The following KCTD16 variants were observed in gnomAD, a reference collection of about 807,000 sequenced individuals.
KCTD16 encodes BTB/POZ domain-containing protein KCTD16.
Under a neutral mutation model 33.2 loss-of-function variants are expected in KCTD16, and 13 were observed. The ratio of observed to expected loss-of-function variants is 0.39; its 90% CI spans 0.25 to 0.62. KCTD16 has a LOEUF of 0.62. Ranked by LOEUF, KCTD16 falls within the 20% of genes least tolerant of loss-of-function variation. The pLI is 0.50. For missense variants in KCTD16, 441 were observed against 525.1 expected, an observed-to-expected ratio of 0.84 and a Z score of 1.57; for synonymous variants, 197 against 195.3, an observed-to-expected ratio of 1.01 and a Z score of -0.07.
At position 144,309,509 on chromosome 5, in the gene KCTD16, C is replaced by T. The variant is rs568286474; in HGVS notation, c.832+101963C>T. Among the ~76,000 whole-genome samples the T allele has an allele frequency of 1.8e-4, 28 of 152,134 alleles. No homozygotes were observed. In the South Asian group the frequency reaches 5.8e-3, roughly 32 times the overall value. ...CATTGGTTGTTAATATTTGAGTCTT[C>T]CAAGCCTTGTGAGATTGGGAAATGG... On this transcript the variant is annotated intron_variant, in intron 3 of 3. Coordinates refer to ENST00000512467, the MANE Select transcript of KCTD16 (RefSeq NM_020768.4).
intron 3 of KCTD16, among the ~76,000 whole-genome samples, chr5:144,322,500 A>G (rs1019374437): frequency 2.0e-5 from 3 of 150,372 alleles, no homozygotes; most frequent in African/African-American, 5.0e-5. Context: ...ATTTACCATC[A>G]CAGAAAAAAC....
intron 3 of KCTD16, among the ~76,000 whole-genome samples, chr5:144,447,501 A>G (rs1233886760): frequency 2.6e-5 from 4 of 152,076 alleles, no homozygotes; most frequent in Non-Finnish European, 5.9e-5. Flanking sequence ...GCACATGTAT[A>G]CCTATGTAAC....
intron 3 of KCTD16, among the ~76,000 whole-genome samples, chr5:144,259,137 A>G (rs1229292397): frequency 6.6e-6 from 1 of 151,964 alleles, no homozygotes; most frequent in African/African-American, 2.4e-5. Context: ...AGGTGCCTGT[A>G]GTCCCAGCTA....
At chr5:144,379,789 T>C (rs1226127855) in intron 3 of KCTD16, among the ~76,000 whole-genome samples, 1 of 152,144 alleles carries the variant, frequency 6.6e-6, no homozygotes, top group African/African-American at 2.4e-5. Context: ...GCTGAGTCAG[T>C]AGTTATTGTT....
At chr5:144,339,997 C>T (rs1752586780) in intron 3 of KCTD16, among the ~76,000 whole-genome samples, 1 of 152,076 alleles carries the variant, frequency 6.6e-6, no homozygotes, top group East Asian at 1.9e-4. Flanking sequence ...AGAAGGGCAA[C>T]CTCAAAGATT....
At chr5:144,411,381 G>C (rs558757390) in intron 3 of KCTD16, among the ~76,000 whole-genome samples, 1 of 152,108 alleles carries the variant, frequency 6.6e-6, no homozygotes, top group African/African-American at 2.4e-5. Flanking sequence ...ATAAATCCAT[G>C]CATTTACACC....
At position 144,388,065 on chromosome 5, in the gene KCTD16, G is replaced by GTTTTTTTTTTTTTTTTTTTTTT. The variant is rs397999492; in HGVS notation, c.833-85586_833-85565dup. ...AATCCAGAGTTCAATTTTAGAGCAA[G>GTTTTTTTTTTTTTTTTTTTTTT]TTTTTTTTTTTTTTTTTTTTTTTTT... On this transcript the variant is annotated intron_variant, in intron 3 of 3. Transcript: ENST00000512467. Among the ~76,000 whole-genome samples, 11 of 73,660 alleles carry GTTTTTTTTTTTTTTTTTTTTTT rather than the reference G, an allele frequency of 1.5e-4. 2 individuals are homozygous for GTTTTTTTTTTTTTTTTTTTTTT. The highest frequency in any genetic ancestry group is 6.8e-4 in the African/African-American group (11 of 16,100). The allele number at this position is 73,660 out of a possible 152,430, so 48.3% of individuals were successfully genotyped here. A position where few individuals can be genotyped will look rare whatever the true frequency, so the allele number is the denominator to read the frequency against.
chr5:144,428,648 G>T (rs1753389989), intron 3 of KCTD16, among the ~76,000 whole-genome samples: 1 of 152,156 alleles, frequency 6.6e-6, no homozygotes, highest in African/African-American at 2.4e-5. Context: ...AAGCAATATT[G>T]TTTTCAAGCC....
chr5:144,297,374 A>G (rs10074646), intron 3 of KCTD16, among the ~76,000 whole-genome samples: 51,108 of 152,046 alleles, frequency 0.34, 9,308 homozygotes, highest in African/African-American at 0.48. Context: ...AGAAGGTCTG[A>G]AGTCAGGATG....
intron 3 of KCTD16, among the ~76,000 whole-genome samples, chr5:144,417,069 CGCT>C (rs1006113431): frequency 2.0e-5 from 3 of 152,076 alleles, no homozygotes; most frequent in African/African-American, 4.8e-5. Flanking sequence ...TTGTGAATAG[CGCT>C]GCTATCATCA....
At chr5:144,380,963 T>G (rs1258244994) in intron 3 of KCTD16, among the ~76,000 whole-genome samples, 1 of 152,036 alleles carries the variant, frequency 6.6e-6, no homozygotes, top group African/African-American at 2.4e-5. Flanking sequence ...AATAGACAAG[T>G]GAGACCCCAG....
intron 3 of KCTD16, among the ~76,000 whole-genome samples, chr5:144,367,969 C>T (rs1349450747): frequency 6.6e-6 from 1 of 151,636 alleles, no homozygotes; most frequent in Non-Finnish European, 1.5e-5. Context: ...GTTCTAACAT[C>T]TGTAGAATGG....
At chr5:144,442,787 CT>C (rs1753742019) in intron 3 of KCTD16, among the ~76,000 whole-genome samples, 1 of 152,048 alleles carries the variant, frequency 6.6e-6, no homozygotes, top group South Asian at 2.1e-4. Context: ...ATCTCTTTGA[CT>C]TTATAGAACC....
rs767804405 is a variant in KCTD16 at position 144,180,937 on chromosome 5, C to CTTT, written c.-327+6476_-327+6478dup. ...ATTATACTGCAACTTTTTCTTTTTT[C>CTTT]TTTTTTTTTTTTTGAGACGGAGTCT... On this transcript the variant is annotated intron_variant, in intron 2 of 3. Transcript: ENST00000512467. Among the ~76,000 whole-genome samples the CTTT allele has an allele frequency of 1.4e-5, 2 of 145,410 alleles. 1 individual carries two copies. The highest frequency in any genetic ancestry group is 4.0e-4 in the East Asian group (2 of 5,034).
At chr5:144,231,008 C>CAG (rs1754085139) in intron 3 of KCTD16, among the ~76,000 whole-genome samples, 1 of 152,164 alleles carries the variant, frequency 6.6e-6, no homozygotes. Context: ...GAGAGCTAAG[C>CAG]AGAGAGCAGA....
In KCTD16 at chr5:144,474,085, T is replaced by A; in HGVS notation, c.1258T>A (p.Ser420Thr). 6.2e-7 allele frequency: 1 copy of A among 1,611,984 alleles called. No individual in the cohort carries two copies. The highest frequency in any genetic ancestry group is 8.5e-7 in the Non-Finnish European group (1 of 1,179,280). Residue 420 changes from serine to threonine, a missense_variant, in exon 4 of 4, where the codon TCT becomes ACT. Coordinates refer to ENST00000512467, the MANE Select transcript of KCTD16 (RefSeq NM_020768.4). Reference sequence around the variant, plus strand: ...TCCTGAGAGAAAACATCCTTGGCAATCTGAACTTTTAAGGAAGTATCATCT... The same window carrying A: ...TCCTGAGAGAAAACATCCTTGGCAAACTGAACTTTTAAGGAAGTATCATCT... The part of the protein sequence containing the change: ...RFPERKHPWQ[S>T]ELLRKYHL
intron 3 of KCTD16, among the ~76,000 whole-genome samples, chr5:144,250,177 T>C (rs574576927): frequency 1.3e-5 from 2 of 152,318 alleles, no homozygotes; most frequent in African/African-American, 4.8e-5. Context: ...GAACTAATGG[T>C]TGGTTCTAAT....
chr5:144,276,642 G>A (rs1044056929), intron 3 of KCTD16, among the ~76,000 whole-genome samples: 6 of 152,218 alleles, frequency 3.9e-5, no homozygotes, highest in Admixed American at 3.3e-4. Flanking sequence ...GATGGCTCAC[G>A]CCTGTAATCT....
intron 3 of KCTD16, among the ~76,000 whole-genome samples, chr5:144,297,396 G>A (rs941953630): frequency 1.3e-5 from 2 of 152,132 alleles, no homozygotes. Flanking sequence ...GTTCAGGGTT[G>A]GTTAAGCAAT....
Sources: gnomAD v4.1 joint callset for allele counts (sites outside exome capture counted in the v4.1 genomes callset) on GRCh38, gnomAD v4.1.1 for gene constraint, MANE v1.5 for transcripts, NCBI Gene and HGNC (gene_info 2026-07-23, HGNC 2026-07-21) for gene names.